NAPB: variants seen among roughly 807,000 people sequenced by gnomAD.
NAPB encodes NSF attachment protein beta.
Under a neutral mutation model 44.7 loss-of-function variants are expected in NAPB, and 26 were observed. The ratio of observed to expected loss-of-function variants is 0.58; its 90% CI spans 0.43 to 0.81. NAPB has a LOEUF of 0.81. NAPB is among the 30% of genes least tolerant of loss of function. NAPB has a pLI of 0.00. For synonymous variants in NAPB, 120 were observed against 116.8 expected (o/e 1.03, Z -0.18); for missense variants, 315 against 356.4 (o/e 0.88, Z 0.94).
chr20:23,394,459 C>T (rs779726517), intron 5 of NAPB, among the ~76,000 whole-genome samples: 3 of 152,106 alleles, frequency 2.0e-5, no homozygotes, highest in African/African-American at 4.8e-5. Flanking sequence ...GACTGCTGGA[C>T]AAAGTGGAGA....
At chr20:23,417,654 C>T (rs1170172891) in intron 1 of NAPB, among the ~76,000 whole-genome samples, 3 of 152,048 alleles carry the variant, frequency 2.0e-5, no homozygotes, top group Non-Finnish European at 4.4e-5. Context: ...TTTTACTAAA[C>T]GTACTATACT....
intron 5 of NAPB, among the ~76,000 whole-genome samples, chr20:23,393,444 G>C (rs781781550): frequency 2.0e-5 from 3 of 152,202 alleles, no homozygotes; most frequent in Non-Finnish European, 4.4e-5. Context: ...ACGCCTAGCA[G>C]ATCCTTCCCC....
At chr20:23,405,168 G>A (rs1985145478) in intron 1 of NAPB, among the ~76,000 whole-genome samples, 1 of 152,056 alleles carries the variant, frequency 6.6e-6, no homozygotes, top group Admixed American at 6.6e-5. Flanking sequence ...TAGCCAGTGT[G>A]GTGGCACATG....
intron 7 of NAPB, among the ~76,000 whole-genome samples, chr20:23,387,590 C>G (rs1443986094): frequency 6.6e-6 from 1 of 151,918 alleles, no homozygotes; most frequent in East Asian, 1.9e-4. Context: ...TATACACTAG[C>G]AGTTAACAAT....
chr20:23,410,080 G>A (rs1985543059), intron 1 of NAPB, among the ~76,000 whole-genome samples: 1 of 152,206 alleles, frequency 6.6e-6, no homozygotes, highest in African/African-American at 2.4e-5. Context: ...CACTGCTTCT[G>A]GGAGAAGGCA....
chr20:23,413,361 T>G (rs1334716893), intron 1 of NAPB, among the ~76,000 whole-genome samples: 1 of 152,132 alleles, frequency 6.6e-6, no homozygotes, highest in African/African-American at 2.4e-5. Context: ...TAACAGGATC[T>G]ATAAAATACA....
chr20:23,397,139 C>T lies in NAPB; in HGVS notation c.228G>A (p.Gln76=). 6.2e-7 allele frequency: 1 copy of T among 1,613,644 alleles called. No homozygotes were observed. ...CQAAKLHMQL[Q]SKHDSATSFV... ...AGCTGGTAGCAGAGTCATGTTTGCT[C>T]TGAAGCTGCATGTGGAGCTTGGCTG... Residue 76 remains glutamine (Q), a synonymous_variant, in exon 3 of 11, where the codon CAG becomes CAA. Coordinates refer to ENST00000377026, the MANE Select transcript of NAPB (RefSeq NM_022080.3).
In NAPB at chr20:23,421,367, C is replaced by T; in HGVS notation, c.36G>A (p.Gln12=). The part of the protein sequence containing the change: ...DNAGKEREAV[Q]LMAEAEKRVK... ...CTCGCTTCTCGGCCTCCGCCATCAGCTGTACTGCCTCACGCTCCTTCCCCG... is the reference window on the plus strand; with the variant it reads ...CTCGCTTCTCGGCCTCCGCCATCAGTTGTACTGCCTCACGCTCCTTCCCCG... Residue 12 remains glutamine (Q), a synonymous_variant, in exon 1 of 11, where the codon CAG becomes CAA. Coordinates refer to ENST00000377026, the MANE Select transcript of NAPB (RefSeq NM_022080.3). 6.4e-7 allele frequency: 1 copy of T among 1,556,724 alleles called. No individual in the cohort carries two copies. The highest frequency in any genetic ancestry group is 2.4e-5 in the East Asian group (1 of 41,030).
At chr20:23,408,186 C>G (rs569021451) in intron 1 of NAPB, among the ~76,000 whole-genome samples, 2 of 152,258 alleles carry the variant, frequency 1.3e-5, no homozygotes, top group East Asian at 3.9e-4. Flanking sequence ...TGTGTCAAGC[C>G]ACCCCAAAAG....
intron 1 of NAPB, among the ~76,000 whole-genome samples, chr20:23,410,071 A>C (rs2123246104): frequency 6.6e-6 from 1 of 152,312 alleles, no homozygotes; most frequent in Non-Finnish European, 1.5e-5. Flanking sequence ...TCCAGAAGAC[A>C]CTGCTTCTGG....
At chr20:23,380,085 TC>T in intron 8 of NAPB, 150 bp from the exon 9 acceptor site, 1 of 585,440 alleles carries the variant, frequency 1.7e-6, no homozygotes, top group Non-Finnish European at 3.0e-6. Flanking sequence ...ACATAGAAAA[TC>T]TTTCTATTCT....
chr20:23,403,180 T>G, intron 1 of NAPB, 108 bp from the exon 2 acceptor site: 1 of 761,490 alleles, frequency 1.3e-6, no homozygotes, highest in Non-Finnish European at 2.1e-6. Context: ...CAGACAAGCA[T>G]TACAGAATCT....
intron 1 of NAPB, among the ~76,000 whole-genome samples, chr20:23,406,141 C>T (rs532152653): frequency 1.3e-3 from 200 of 152,254 alleles, no homozygotes; most frequent in Non-Finnish European, 2.4e-3. Flanking sequence ...TCACCAGATA[C>T]CAGACGCTGG....
At chr20:23,397,013 G>C in intron 3 of NAPB, 59 bp downstream of exon 3, 2 of 1,549,094 alleles carry the variant, frequency 1.3e-6, no homozygotes, top group Non-Finnish European at 1.8e-6. Context: ...AACGTTGAGG[G>C]AAGTACTGAC....
chr20:23,394,556 A>T (rs1263291153), intron 5 of NAPB, among the ~76,000 whole-genome samples: 2 of 152,330 alleles, frequency 1.3e-5, no homozygotes, highest in African/African-American at 2.4e-5. Flanking sequence ...GCACACAGAT[A>T]CTTAAAGCTG....
chr20:23,421,214 T>C (rs1327975537), intron 1 of NAPB, 91 bp downstream of exon 1: 8 of 1,128,444 alleles, frequency 7.1e-6, no homozygotes, highest in African/African-American at 6.5e-5. Flanking sequence ...GCCCCAGAGG[T>C]TGCGTGGGGG....
chr20:23,378,551 C>T (rs1297283412), intron 10 of NAPB, among the ~76,000 whole-genome samples: 1 of 150,212 alleles, frequency 6.7e-6, no homozygotes, highest in African/African-American at 2.4e-5. Context: ...AAGAGATTCT[C>T]CTGCCTCAGC....
chr20:23,413,920 C>G (rs1236996340), intron 1 of NAPB, among the ~76,000 whole-genome samples: 1 of 149,546 alleles, frequency 6.7e-6, no homozygotes, highest in South Asian at 2.1e-4. Context: ...AAAAGAAAAA[C>G]ATCCACATTA....
At chr20:23,402,900 TAGTCTTGCTCTTCAAGGGGA>T in intron 2 of NAPB, 73 bp downstream of exon 2, 4 of 932,448 alleles carry the variant, frequency 4.3e-6, no homozygotes, top group Non-Finnish European at 6.7e-6. Flanking sequence ...CTGGGGCCAA[TAGTCTTGCTCTTCAAGGGGA>T]AAACAGTCAT....
Sources: allele counts gnomAD v4.1 joint callset (sites outside exome capture counted in the v4.1 genomes callset), GRCh38; gene constraint gnomAD v4.1.1; transcripts MANE v1.5; gene names NCBI Gene and HGNC (gene_info 2026-07-23, HGNC 2026-07-21).